PDE4D: variants seen among roughly 807,000 people sequenced by gnomAD.
PDE4D encodes phosphodiesterase 4D, also known as 3',5'-cyclic-AMP phosphodiesterase 4D.
Under a neutral mutation model 87.4 loss-of-function variants are expected in PDE4D, and 24 were observed. That is an observed-to-expected ratio of 0.27 (90% CI 0.20 to 0.39). PDE4D has a LOEUF of 0.39. PDE4D is among the 10% of genes least tolerant of loss of function. The pLI, the probability that PDE4D is intolerant of heterozygous loss-of-function variation, is 1.00. For synonymous variants in PDE4D, 384 were observed against 383.2 expected (o/e 1.00, Z -0.02); for missense variants, 714 against 1,041.0 (o/e 0.69, Z 4.32).
intron 1 of PDE4D, among the ~76,000 whole-genome samples, chr5:59,635,466 T>A (rs990154784): frequency 6.6e-6 from 1 of 152,340 alleles, no homozygotes; most frequent in Admixed American, 6.5e-5. Context: ...ATATCCTTGA[T>A]GAACATCGAT....
chr5:59,903,996 C>T (rs1752556508), intron 3 of PDE4D, among the ~76,000 whole-genome samples: 1 of 152,094 alleles, frequency 6.6e-6, no homozygotes, highest in African/African-American at 2.4e-5. Context: ...CCTTAGTTTC[C>T]TCATCTGTAA....
At chr5:59,427,431 A>T (rs1387877452) in intron 1 of PDE4D, among the ~76,000 whole-genome samples, 1 of 152,128 alleles carries the variant, frequency 6.6e-6, no homozygotes, top group African/African-American at 2.4e-5. Flanking sequence ...TCTATGCTGG[A>T]CACTGGGGAA....
chr5:60,458,330 T>C (rs983514298), intron 1 of PDE4D, among the ~76,000 whole-genome samples: 2 of 134,922 alleles, frequency 1.5e-5, no homozygotes, highest in African/African-American at 5.8e-5. Context: ...GAGATGGCAG[T>C]GAGCCGAGAT....
intron 1 of PDE4D, among the ~76,000 whole-genome samples, chr5:59,861,565 TATATGGAGAAAA>T (rs796849631): frequency 6.6e-6 from 1 of 152,284 alleles, no homozygotes; most frequent in African/African-American, 2.4e-5. Context: ...TCTCTTCAAT[TATATGGAGAAAA>T]AGAGAGGAGA....
intron 2 of PDE4D, among the ~76,000 whole-genome samples, chr5:60,055,217 A>T (rs553193946): frequency 1.3e-5 from 2 of 152,092 alleles, no homozygotes; most frequent in African/African-American, 4.8e-5. Flanking sequence ...AATATATATT[A>T]AATTTAATTA....
chr5:60,395,069 C>T (rs376672114), intron 1 of PDE4D, among the ~76,000 whole-genome samples: 18 of 152,282 alleles, frequency 1.2e-4, no homozygotes, highest in African/African-American at 4.3e-4. Flanking sequence ...TGGCTCGGTC[C>T]CAAGACCTTC....
At chr5:59,548,270 A>G (rs1457418619) in intron 1 of PDE4D, among the ~76,000 whole-genome samples, 1 of 152,234 alleles carries the variant, frequency 6.6e-6, no homozygotes, top group Non-Finnish European at 1.5e-5. Flanking sequence ...GTTAAGGAAT[A>G]TAAAAGAAAT....
intron 2 of PDE4D, among the ~76,000 whole-genome samples, chr5:60,001,149 C>A (rs1281432049): frequency 6.6e-6 from 1 of 152,122 alleles, no homozygotes; most frequent in East Asian, 1.9e-4. Flanking sequence ...CATAGACATA[C>A]TCAGAGAGCC....
At chr5:59,412,416 C>A (rs940558514) in intron 1 of PDE4D, among the ~76,000 whole-genome samples, 10 of 152,158 alleles carry the variant, frequency 6.6e-5, no homozygotes, top group African/African-American at 1.7e-4. Flanking sequence ...GCGGTAGTTA[C>A]ACATCCACAA....
intron 2 of PDE4D, among the ~76,000 whole-genome samples, chr5:59,989,064 T>C (rs1193128207): frequency 2.7e-5 from 4 of 146,126 alleles, no homozygotes; most frequent in Non-Finnish European, 6.0e-5. Flanking sequence ...TCATTAAATA[T>C]ATACATTGAC....
intron 1 of PDE4D, among the ~76,000 whole-genome samples, chr5:59,742,252 C>T (rs192045945): frequency 2.0e-4 from 31 of 152,180 alleles, no homozygotes; most frequent in Non-Finnish European, 3.1e-4. Context: ...TTAGTAGAGA[C>T]GGGGTTTCAC....
chr5:59,088,656 C>T (rs1484237905), intron 5 of PDE4D, among the ~76,000 whole-genome samples: 2 of 152,110 alleles, frequency 1.3e-5, no homozygotes, highest in Non-Finnish European at 2.9e-5. Context: ...TCCAGGAACA[C>T]TGATGGAGCT....
At position 60,088,235 on chromosome 5, in the gene PDE4D, C is replaced by T. The variant is rs546898916; in HGVS notation, c.42+97322G>A. 2.4e-4 allele frequency among the ~76,000 whole-genome samples: 37 copies of T among 151,404 alleles called. No homozygotes were observed. In the South Asian group the frequency reaches 4.0e-3, roughly 16 times the overall value. On this transcript the variant is annotated intron_variant, in intron 2 of 16. Transcript: ENST00000502484. Reference sequence around the variant, plus strand: ...TGAGGAAATTTACAACACGACACTTCGCCTACAAAAAATGCTACAGGGAAT... The same window carrying T: ...TGAGGAAATTTACAACACGACACTTTGCCTACAAAAAATGCTACAGGGAAT...
intron 1 of PDE4D, among the ~76,000 whole-genome samples, chr5:60,366,214 T>C (rs1405281656): frequency 6.6e-6 from 1 of 152,080 alleles, no homozygotes; most frequent in African/African-American, 2.4e-5. Flanking sequence ...GCCTTTCCCC[T>C]TGTTTGTGCA....
chr5:60,222,095 T>C (rs1388613784), intron 1 of PDE4D, among the ~76,000 whole-genome samples: 1 of 152,130 alleles, frequency 6.6e-6, no homozygotes, highest in Non-Finnish European at 1.5e-5. Flanking sequence ...ATTAATAGGA[T>C]ATTTCACAAA....
At chr5:59,629,466 G>A (rs1025549708) in intron 1 of PDE4D, among the ~76,000 whole-genome samples, 6 of 151,940 alleles carry the variant, frequency 3.9e-5, no homozygotes, top group Non-Finnish European at 7.4e-5. Context: ...AGGGAAATGT[G>A]GACACAGAGA....
At chr5:59,178,206 T>TC (rs1053353588) in intron 5 of PDE4D, among the ~76,000 whole-genome samples, 2 of 152,142 alleles carry the variant, frequency 1.3e-5, no homozygotes, top group African/African-American at 4.8e-5. Flanking sequence ...ACTGCCCTCA[T>TC]CCCTCCATCC....
chr5:60,243,495 CAA>C (rs1208238597), intron 1 of PDE4D, among the ~76,000 whole-genome samples: 3 of 151,882 alleles, frequency 2.0e-5, no homozygotes, highest in African/African-American at 4.8e-5. Flanking sequence ...CAAAACCAGA[CAA>C]AGACACATCA....
At position 59,523,571 on chromosome 5, in the gene PDE4D, C is replaced by T. The variant is rs1397310934; in HGVS notation, c.456-307603G>A. ...TATTACAATCATAGATGGTTGCTTACTAATACAGAAAGTAGAAAAAAAAGC... is the reference window on the plus strand; with the variant it reads ...TATTACAATCATAGATGGTTGCTTATTAATACAGAAAGTAGAAAAAAAAGC... On this transcript the variant is annotated intron_variant, in intron 1 of 14. Transcript: ENST00000340635. 2.0e-5 allele frequency among the ~76,000 whole-genome samples: 3 copies of T among 152,166 alleles called. No homozygotes were observed. In the East Asian group the frequency reaches 5.8e-4, roughly 29 times the overall value.
Sources: allele counts gnomAD v4.1 joint callset (sites outside exome capture counted in the v4.1 genomes callset), GRCh38; gene constraint gnomAD v4.1.1; transcripts MANE v1.5; gene names NCBI Gene and HGNC (gene_info 2026-07-23, HGNC 2026-07-21).